Variants in PAM observed in about 807,000 individuals in gnomAD.
PAM encodes the protein peptidylglycine alpha-amidating monooxygenase.
Under a neutral mutation model 122.1 loss-of-function variants are expected in PAM, and 72 were observed. The ratio of observed to expected loss-of-function variants is 0.59; its 90% CI spans 0.49 to 0.72. The LOEUF is 0.72. Ranked by LOEUF, PAM falls within the 30% of genes least tolerant of loss-of-function variation. The pLI is 0.00. For missense variants in PAM, 1,106 were observed against 1,183.7 expected (o/e 0.93, Z 0.96); for synonymous variants, 389 against 404.4 (o/e 0.96, Z 0.46).
At position 102,999,468 on chromosome 5, in the gene PAM, A is replaced by G. The variant is rs187833311; in HGVS notation, c.1614-3565A>G. ...GATCTAACATTCCAAGGTCTGGAGA[A>G]TGGTGGCCCTCTTCTCACAGCTCCA... On this transcript the variant is annotated intron_variant, in intron 16 of 25. Coordinates refer to ENST00000438793, the MANE Select transcript of PAM (RefSeq NM_001177306.2). Among the ~76,000 whole-genome samples the G allele has an allele frequency of 3.9e-3, 599 of 152,318 alleles. 2 individuals carry two copies. Among genetic ancestry groups the G allele is most frequent in the African/African-American group, 0.014 (564 of 41,574 alleles).
chr5:102,890,027 C>T (rs892504898), intron 3 of PAM, among the ~76,000 whole-genome samples: 1 of 151,972 alleles, frequency 6.6e-6, no homozygotes, highest in African/African-American at 2.4e-5. Context: ...CTTAAAGATC[C>T]TTTTCTTTCC....
intron 3 of PAM, among the ~76,000 whole-genome samples, chr5:102,877,852 A>AT (rs1478470075): frequency 2.0e-5 from 3 of 152,098 alleles, no homozygotes; most frequent in Admixed American, 2.0e-4. Context: ...ACATGGAGAG[A>AT]TCCCCATCTC....
chr5:102,754,956 A>C (rs1427330056), upstream of PAM: 1 of 152,046 alleles, frequency 6.6e-6, no homozygotes, highest in African/African-American at 2.4e-5. Flanking sequence ...GTGAGTTCAG[A>C]CACCCAGCAC....
chr5:102,901,324 T>C, intron 3 of PAM, 32 bp from the exon 4 acceptor site: 1 of 1,298,484 alleles, frequency 7.7e-7, no homozygotes, highest in Non-Finnish European at 1.1e-6. Flanking sequence ...AGCAACAGTT[T>C]AATTTGGATT....
At chr5:102,789,109 T>A (rs1761366848) in intron 1 of PAM, among the ~76,000 whole-genome samples, 1 of 152,124 alleles carries the variant, frequency 6.6e-6, no homozygotes, top group Non-Finnish European at 1.5e-5. Flanking sequence ...AGTACTTTTG[T>A]TTTTTAATTT....
At chr5:102,822,021 A>T (rs1350931773) in intron 1 of PAM, among the ~76,000 whole-genome samples, 1 of 152,156 alleles carries the variant, frequency 6.6e-6, no homozygotes, top group African/African-American at 2.4e-5. Context: ...TTATTTACCC[A>T]ATTTGGGGGA....
At chr5:102,790,336 G>T (rs1297535036) in intron 1 of PAM, among the ~76,000 whole-genome samples, 1 of 152,068 alleles carries the variant, frequency 6.6e-6, no homozygotes, top group Non-Finnish European at 1.5e-5. Context: ...TGGACAATTG[G>T]TTTGGCTGAA....
chr5:102,959,786 G>A, intron 12 of PAM, 89 bp from the exon 13 acceptor site: 1 of 774,412 alleles, frequency 1.3e-6, no homozygotes, highest in South Asian at 1.7e-5. Flanking sequence ...TGAATCCATT[G>A]CTGGCAGATC....
chr5:102,984,067 A>G (rs1271701461), intron 15 of PAM, among the ~76,000 whole-genome samples: 1 of 152,194 alleles, frequency 6.6e-6, no homozygotes, highest in African/African-American at 2.4e-5. Flanking sequence ...CAAAAACACA[A>G]GAATAAAATT....
intron 1 of PAM, among the ~76,000 whole-genome samples, chr5:102,800,410 C>T (rs1580274359): frequency 1.3e-5 from 2 of 152,164 alleles, no homozygotes; most frequent in African/African-American, 4.8e-5. Flanking sequence ...CTTGTTTTAC[C>T]TCTCACTCTA....
At chr5:102,896,700 T>C (rs974953576) in intron 3 of PAM, among the ~76,000 whole-genome samples, 3 of 151,588 alleles carry the variant, frequency 2.0e-5, no homozygotes, top group African/African-American at 4.8e-5. Context: ...CTAAGAAATA[T>C]GGTAACATCT....
intron 1 of PAM, among the ~76,000 whole-genome samples, chr5:102,768,921 C>T (rs1411523510): frequency 2.6e-5 from 4 of 152,108 alleles, no homozygotes; most frequent in Non-Finnish European, 5.9e-5. Context: ...TTTGAGGAAC[C>T]TCCAAACTTC....
chr5:102,895,534 G>T (rs1795968799), intron 3 of PAM, among the ~76,000 whole-genome samples: 1 of 151,678 alleles, frequency 6.6e-6, no homozygotes, highest in Admixed American at 6.6e-5. Flanking sequence ...TTAATGAGAT[G>T]ACTATGGCAA....
intron 1 of PAM, among the ~76,000 whole-genome samples, chr5:102,841,371 G>C (rs1778557489): frequency 6.7e-6 from 1 of 148,496 alleles, no homozygotes; most frequent in African/African-American, 2.5e-5. Flanking sequence ...TGTTTTTCTA[G>C]CTTCTCCACC....
chr5:102,970,779 A>G (rs533380332), intron 14 of PAM, among the ~76,000 whole-genome samples: 4 of 127,394 alleles, frequency 3.1e-5, no homozygotes, highest in African/African-American at 1.3e-4. Flanking sequence ...TAGGAACCTA[A>G]AAGGGCTTTT....
At position 102,901,410 on chromosome 5, in the gene PAM, G is replaced by T. The variant is rs746515192; in HGVS notation, c.265G>T (p.Val89Leu). 5.8e-6 allele frequency: 9 copies of T among 1,545,220 alleles called. No homozygotes were observed. In the African/African-American group the frequency reaches 1.1e-4, roughly 19 times the overall value. Residue 89 changes from valine (V) to leucine (L), a missense_variant, in exon 4 of 26, where the codon GTG (valine) becomes TTG (leucine). By Grantham distance (32) the Val-to-Leu change is conservative. Transcript: ENST00000438793. Reference protein sequence around the residue: ...MRIPVDEEAFVIDFKPRASMD... With the variant: ...MRIPVDEEAFLIDFKPRASMD... Reference sequence around the variant, plus strand: ...AATACCAGTGGATGAGGAAGCCTTCGTGAGTAAGTATTAATTGGATTGGGG... The same window carrying T: ...AATACCAGTGGATGAGGAAGCCTTCTTGAGTAAGTATTAATTGGATTGGGG...
At chr5:102,872,809 A>G (rs1297062686) in intron 3 of PAM, among the ~76,000 whole-genome samples, 2 of 152,222 alleles carry the variant, frequency 1.3e-5, no homozygotes, top group Non-Finnish European at 2.9e-5. Flanking sequence ...TCAGGCTACA[A>G]TAACGTTAGG....
chr5:102,785,414 G>C (rs1041076833), intron 1 of PAM, among the ~76,000 whole-genome samples: 2 of 152,216 alleles, frequency 1.3e-5, no homozygotes, highest in Admixed American at 1.3e-4. Flanking sequence ...TGGTAGATAC[G>C]TGGGAGACTG....
chr5:102,885,002 T>G (rs1200227721), intron 3 of PAM, among the ~76,000 whole-genome samples: 1 of 151,726 alleles, frequency 6.6e-6, no homozygotes, highest in African/African-American at 2.4e-5. Context: ...GCAAATGATG[T>G]TTCTGAGAGA....
Sources: gnomAD v4.1 joint callset for allele counts (sites outside exome capture counted in the v4.1 genomes callset) on GRCh38, gnomAD v4.1.1 for gene constraint, MANE v1.5 for transcripts, NCBI Gene and HGNC (gene_info 2026-07-23, HGNC 2026-07-21) for gene names.